Variants in LSMEM2 observed in about 807,000 individuals in gnomAD.
LSMEM2 encodes the protein leucine rich single-pass membrane protein 2.
LSMEM2 carries 20 observed loss-of-function variants against 17.3 expected under a neutral mutation model. That is an observed-to-expected ratio of 1.16 (90% CI 0.81 to 1.68). The LOEUF is 1.68. Among genes scored for constraint, LSMEM2 ranks in the 40% most tolerant of loss-of-function variants. The pLI is 0.00. For missense variants in LSMEM2, 207 were observed against 214.3 expected (o/e 0.97, Z 0.21); for synonymous variants, 94 against 97.8 (o/e 0.96, Z 0.23).
chr3:50,279,272 GTAGT>G, intron 1 of LSMEM2, 101 bp downstream of exon 1: 3 of 1,098,270 alleles, frequency 2.7e-6, no homozygotes, highest in South Asian at 1.3e-5. Context: ...ACTGTCTTGA[GTAGT>G]TAGTTACCCA....
Position 50,287,496 on chromosome 3 carries a change from A to AGAT in LSMEM2, c.*296_*298dup. 6.5e-6 allele frequency: 3 copies of AGAT among 463,730 alleles called. No homozygotes were observed. The allele number at this position is 463,730 out of a possible 1,614,324, so 28.7% of individuals were successfully genotyped here. On this transcript the variant is annotated 3_prime_UTR_variant, in exon 4 of 4. Coordinates refer to ENST00000316436, the MANE Select transcript of LSMEM2 (RefSeq NM_153215.3). Reference sequence around the variant, plus strand: ...CCTGTCAACACTCTCTGGCCACCCCAGATGGCAGGTTCTGAAGTCTAGAAA... The same window carrying AGAT: ...CCTGTCAACACTCTCTGGCCACCCCAGATGATGGCAGGTTCTGAAGTCTAGAAA...
chr3:50,286,868 G>A lies in LSMEM2; in HGVS notation c.361+6G>A. ...CCTGGCTGTCTACCTGAGCGGTATGGACGCATAGGGTGCTAGTAGGAATGG... is the reference window on the plus strand; with the variant it reads ...CCTGGCTGTCTACCTGAGCGGTATGAACGCATAGGGTGCTAGTAGGAATGG... On this transcript the variant is annotated splice_donor_region_variant and intron_variant, in intron 3 of 3. Coordinates refer to ENST00000316436, the MANE Select transcript of LSMEM2 (RefSeq NM_153215.3). The A allele has an allele frequency of 6.2e-7, 1 of 1,613,278 alleles. No homozygotes were observed. The highest frequency in any genetic ancestry group is 8.5e-7 in the Non-Finnish European group (1 of 1,179,858).
intron 1 of LSMEM2, among the ~76,000 whole-genome samples, chr3:50,280,825 C>T (rs1701378334): frequency 6.6e-6 from 1 of 151,602 alleles, no homozygotes; most frequent in African/African-American, 2.4e-5. Flanking sequence ...GATCTTCTGA[C>T]CTCGTGATCC....
At chr3:50,278,992 C>T (rs140086565), upstream of LSMEM2, 111 of 1,010,036 alleles carry the variant, frequency 1.1e-4, no homozygotes, top group East Asian at 2.4e-3. Context: ...GAGGGCTGCC[C>T]CCTCTAAATA....
chr3:50,287,219 G>C lies in LSMEM2; in HGVS notation c.*17G>C. On this transcript the variant is annotated 3_prime_UTR_variant, in exon 4 of 4. Coordinates refer to ENST00000316436, the MANE Select transcript of LSMEM2 (RefSeq NM_153215.3). Reference sequence around the variant, plus strand: ...CCCAGCTGAGATGCCATTTGGATCTGGGGCCTGGGGGTGTGTGTTGGTGGG... The same window carrying C: ...CCCAGCTGAGATGCCATTTGGATCTCGGGCCTGGGGGTGTGTGTTGGTGGG... The C allele has an allele frequency of 6.2e-7, 1 of 1,613,768 alleles. No homozygotes were observed. Among genetic ancestry groups the C allele is most frequent in the Non-Finnish European group, 8.5e-7 (1 of 1,179,844 alleles).
rs1464969327 is a variant in LSMEM2, at chr3:50,286,484, AAT to A, written c.73_74del (p.Met25AspfsTer17). On this transcript the variant is annotated frameshift_variant, in exon 2 of 4. Coordinates refer to ENST00000316436, the MANE Select transcript of LSMEM2 (RefSeq NM_153215.3). LOFTEE classifies it high-confidence loss of function. The stretch of plus-strand genomic sequence containing the variant: ...CTGCCCCTGCAGACTCCGTGGCGCC[AAT>A]GATGCCCAGCCAGAGGAGCAGGGGG... Reference protein sequence around the residue: ...EETQEDSVAPMMPSQRSRGPL... With the variant: ...EETQEDSVAPXMPSQRSRGPL... 6.2e-7 allele frequency: 1 copy of A among 1,606,072 alleles called. No individual in the cohort carries two copies. Among genetic ancestry groups the A allele is most frequent in the African/African-American group, 1.3e-5 (1 of 74,822 alleles).
At chr3:50,284,162 C>T (rs1417737827) in intron 1 of LSMEM2, among the ~76,000 whole-genome samples, 2 of 139,004 alleles carry the variant, frequency 1.4e-5, no homozygotes, top group Non-Finnish European at 3.0e-5. Context: ...GCTGAGATCG[C>T]ACCACTGCAC....
chr3:50,283,476 A>T (rs1335786411), intron 1 of LSMEM2, among the ~76,000 whole-genome samples: 1 of 151,558 alleles, frequency 6.6e-6, no homozygotes, highest in African/African-American at 2.4e-5. Context: ...AAATACAAAA[A>T]ATTAGCCGGG....
At chr3:50,278,523 C>G (rs1701323963), upstream of LSMEM2, among the ~76,000 whole-genome samples, 1 of 152,160 alleles carries the variant, frequency 6.6e-6, no homozygotes, top group African/African-American at 2.4e-5. Context: ...AGCTTAGTAA[C>G]AAATGAACCA....
In LSMEM2 at chr3:50,285,070, C is replaced by T. The variant is rs587634412; in HGVS notation, c.59-1401C>T. On this transcript the variant is annotated intron_variant, in intron 1 of 3. Transcript: ENST00000316436. ...AAAACAGGCCGGGCACGGTGGCTCA[C>T]GCCTGTAAATCCCAGCACTTTGGGA... Among the ~76,000 whole-genome samples the T allele has an allele frequency of 2.2e-4, 34 of 151,610 alleles. 1 individual carries two copies. The highest frequency in any genetic ancestry group is 1.7e-3 in the South Asian group (8 of 4,794).
Position 50,286,465 on chromosome 3 carries a change from C to A in LSMEM2, c.59-6C>A, listed in dbSNP as rs1553708444. 6.3e-7 allele frequency: 1 copy of A among 1,594,322 alleles called. No homozygotes were observed. The highest frequency in any genetic ancestry group is 8.5e-7 in the Non-Finnish European group (1 of 1,171,832). The stretch of plus-strand genomic sequence containing the variant: ...CTGGCTAAATCAGCCTGCGCTGCCC[C>A]TGCAGACTCCGTGGCGCCAATGATG... On this transcript the variant is annotated splice_region_variant and splice_polypyrimidine_tract_variant and intron_variant, in intron 1 of 3. Transcript: ENST00000316436.
chr3:50,287,264 C>T lies in LSMEM2; in HGVS notation c.*62C>T. On this transcript the variant is annotated 3_prime_UTR_variant, in exon 4 of 4. Transcript: ENST00000316436. ...GGTGGGGGAATAAAGTGGCTATGGGCAGGTCTCTCCTTCCCTACTGCTGGC... is the reference window on the plus strand; with the variant it reads ...GGTGGGGGAATAAAGTGGCTATGGGTAGGTCTCTCCTTCCCTACTGCTGGC... 1 of 1,595,502 alleles carries T rather than the reference C, an allele frequency of 6.3e-7. No homozygotes were observed. The highest frequency in any genetic ancestry group is 8.6e-7 in the Non-Finnish European group (1 of 1,165,612).
rs1553708816 is a variant in LSMEM2 at position 50,287,628 on chromosome 3, C to T, written c.*426C>T. ...CTCTGAGTAGGGGGAGAGGCACCAC[C>T]TGGGGAAGACTGCCTTGGAGGGCAA... On this transcript the variant is annotated 3_prime_UTR_variant, in exon 4 of 4. Transcript: ENST00000316436. The T allele has an allele frequency of 4.2e-6, 1 of 238,370 alleles. No individual in the cohort carries two copies. Among genetic ancestry groups the T allele is most frequent in the Non-Finnish European group, 8.3e-6 (1 of 120,236 alleles). The allele number at this position is 238,370 out of a possible 1,614,324, so 14.8% of individuals were successfully genotyped here.
intron 1 of LSMEM2, among the ~76,000 whole-genome samples, chr3:50,281,810 C>T (rs1218096752): frequency 6.6e-6 from 1 of 151,208 alleles, no homozygotes; most frequent in African/African-American, 2.4e-5. Context: ...TCCTGAGAAG[C>T]TGGGACCACA....
At position 50,287,575 on chromosome 3, in the gene LSMEM2, C is replaced by T; in HGVS notation, c.*373C>T. On this transcript the variant is annotated 3_prime_UTR_variant, in exon 4 of 4. Coordinates refer to ENST00000316436, the MANE Select transcript of LSMEM2 (RefSeq NM_153215.3). ...TCTGCCAGGGCTCCCAGTGAGGGTC[C>T]AGCCTCAGCTCTTAAAGACAGGCTG... 3.5e-6 allele frequency: 1 copy of T among 287,766 alleles called. No homozygotes were observed. Among genetic ancestry groups the T allele is most frequent in the South Asian group, 4.1e-5 (1 of 24,204 alleles). The allele number at this position is 287,766 out of a possible 1,614,324, so 17.8% of individuals were successfully genotyped here.
In LSMEM2 at chr3:50,287,736, G is replaced by A. The variant is rs992252949; in HGVS notation, c.*534G>A. ...GAACAGAAAAATACCCAGGGGTTAA[G>A]ACCACAGAAGGCTGACCGTTCTGTT... On this transcript the variant is annotated 3_prime_UTR_variant, in exon 4 of 4. Coordinates refer to ENST00000316436, the MANE Select transcript of LSMEM2 (RefSeq NM_153215.3). 3 of 214,660 alleles carry A rather than the reference G, an allele frequency of 1.4e-5. No homozygotes were observed. Among genetic ancestry groups the A allele is most frequent in the African/African-American group, 2.3e-5 (1 of 43,652 alleles). The allele number at this position is 214,660 out of a possible 1,614,324, so 13.3% of individuals were successfully genotyped here. A position where few individuals can be genotyped will look rare whatever the true frequency, so the allele number is the denominator to read the frequency against.
intron 3 of LSMEM2, 48 bp downstream of exon 3, chr3:50,286,910 G>A: frequency 6.2e-7 from 1 of 1,602,832 alleles, no homozygotes; most frequent in Non-Finnish European, 8.5e-7. Context: ...AGGCAGTGGG[G>A]ACTGGGAGGC....
At chr3:50,286,959 A>G in intron 3 of LSMEM2, 97 bp downstream of exon 3, 1 of 1,585,902 alleles carries the variant, frequency 6.3e-7, no homozygotes, top group Non-Finnish European at 8.6e-7. Context: ...CAGATGCTGC[A>G]GCAGTGAAGG....
At position 50,286,670 on chromosome 3, in the gene LSMEM2, C is replaced by G; in HGVS notation, c.173-4C>G. On this transcript the variant is annotated splice_region_variant and splice_polypyrimidine_tract_variant and intron_variant, in intron 2 of 3. Transcript: ENST00000316436. The stretch of plus-strand genomic sequence containing the variant: ...ACCACCCTCCCAATGTCCCATCCAC[C>G]CAGCAGGCACACTGCGCCCCTATCT... 6.2e-7 allele frequency: 1 copy of G among 1,612,792 alleles called. No individual in the cohort carries two copies.
Sources: allele counts gnomAD v4.1 joint callset (sites outside exome capture counted in the v4.1 genomes callset), GRCh38; gene constraint gnomAD v4.1.1; transcripts MANE v1.5; gene names NCBI Gene and HGNC (gene_info 2026-07-23, HGNC 2026-07-21).